The following MYPN variants were observed in gnomAD, a reference collection of about 807,000 sequenced individuals.
The protein encoded by MYPN is myopalladin, also known as sarcomeric protein myopalladin, 145 kDa (MYOP).
MYPN carries 63 observed loss-of-function variants against 129.4 expected under a neutral mutation model. The ratio of observed to expected loss-of-function variants is 0.49; its 90% CI spans 0.40 to 0.60. The LOEUF (loss-of-function observed/expected upper bound fraction) is 0.60, where lower values mean the gene tolerates loss of function less well. Ranked by LOEUF, MYPN falls within the 20% of genes least tolerant of loss-of-function variation. MYPN has a pLI of 0.00. For synonymous variants in MYPN, 629 were observed against 600.9 expected, an observed-to-expected ratio of 1.05 and a Z score of -0.68; for missense variants, 1,596 against 1,635.4, an observed-to-expected ratio of 0.98 and a Z score of 0.42.
In MYPN at chr10:68,166,630, T is replaced by G. The variant is rs2043060021; in HGVS notation, c.1937T>G (p.Val646Gly). ...AAAACCCCAGAGCCTTCTTCCCCCG[T>G]GAAAGAGCCCCCTCCAGTTCTGGCC... is the stretch of plus-strand genomic sequence containing the variant. ...ATKTPEPSSPVKEPPPVLAKP... is the reference protein window; with the variant it reads ...ATKTPEPSSPGKEPPPVLAKP... Residue 646 changes from valine to glycine, a missense_variant, in exon 10 of 20, where the codon GTG becomes GGG. By Grantham distance (109) the Val-to-Gly change is moderately radical. Coordinates refer to ENST00000358913, the MANE Select transcript of MYPN (RefSeq NM_032578.4). 6.2e-7 allele frequency: 1 copy of G among 1,613,990 alleles called. No homozygotes were observed. Among genetic ancestry groups the G allele is most frequent in the South Asian group, 1.1e-5 (1 of 91,066 alleles).
chr10:68,095,076 A>G (rs1222403083), intron 1 of MYPN, among the ~76,000 whole-genome samples: 1 of 152,140 alleles, frequency 6.6e-6, no homozygotes, highest in Admixed American at 6.6e-5. Context: ...TGAAGAAGAT[A>G]TAAGGCACGA....
Position 68,165,739 on chromosome 10 carries a change from A to G in MYPN, c.1521A>G (p.Ala507=), listed in dbSNP as rs2134165606. Residue 507 remains alanine, a synonymous_variant, in exon 9 of 20, where the codon GCA becomes GCG. Transcript: ENST00000358913. ...CCTTGGTCATTGCTGAGGTGTTTGC[A>G]GAAGATTCTGGGTGCTTCACATGTA... The part of the protein sequence containing the change: ...ICTLVIAEVF[A]EDSGCFTCTA... 1 of 1,614,206 alleles carries G rather than the reference A, an allele frequency of 6.2e-7. No homozygotes were observed. Among genetic ancestry groups the G allele is most frequent in the Non-Finnish European group, 8.5e-7 (1 of 1,180,018 alleles).
chr10:68,109,477 T>C (rs1274821901), upstream of MYPN: 1 of 454,064 alleles, frequency 2.2e-6, no homozygotes, highest in Non-Finnish European at 4.4e-6. Context: ...TCAAAATAAC[T>C]TGGGACCTGT....
chr10:68,110,594 ATTACTT>A (rs1165423771), intron 1 of MYPN, among the ~76,000 whole-genome samples: 1 of 152,220 alleles, frequency 6.6e-6, no homozygotes, highest in East Asian at 1.9e-4. Context: ...GTATGATTCA[ATTACTT>A]TTACTTTAGT....
chr10:68,179,861 C>T (rs1461959377), intron 12 of MYPN, among the ~76,000 whole-genome samples: 1 of 152,076 alleles, frequency 6.6e-6, no homozygotes, highest in East Asian at 1.9e-4. Flanking sequence ...GAGGAGGTTT[C>T]GCCAAGATGA....
At chr10:68,128,932 A>G (rs2042367016) in intron 2 of MYPN, among the ~76,000 whole-genome samples, 1 of 152,076 alleles carries the variant, frequency 6.6e-6, no homozygotes, top group South Asian at 2.1e-4. Flanking sequence ...AATCTTAAAG[A>G]GTGAGGGGGA....
At chr10:68,127,358 G>A (rs185500947) in intron 2 of MYPN, among the ~76,000 whole-genome samples, 25 of 106,946 alleles carry the variant, frequency 2.3e-4, no homozygotes, top group African/African-American at 5.0e-4. Flanking sequence ...ATGAAGTCTC[G>A]CTCTGTCACC....
chr10:68,189,370 A>T (rs1459845320), intron 13 of MYPN, among the ~76,000 whole-genome samples: 2 of 152,218 alleles, frequency 1.3e-5, no homozygotes, highest in Non-Finnish European at 2.9e-5. Flanking sequence ...TATTGGGAAC[A>T]TTACAGTTTT....
intron 18 of MYPN, among the ~76,000 whole-genome samples, chr10:68,202,818 T>G (rs1287610207): frequency 2.0e-5 from 3 of 151,498 alleles, no homozygotes; most frequent in Non-Finnish European, 4.4e-5. Context: ...GCTGTTGGGT[T>G]TTAAAGAATT....
intron 1 of MYPN, among the ~76,000 whole-genome samples, chr10:68,113,870 C>A (rs968264183): frequency 6.6e-6 from 1 of 152,128 alleles, no homozygotes; most frequent in Non-Finnish European, 1.5e-5. Context: ...TCCATAGCCT[C>A]ACATACTTAC....
chr10:68,184,280 T>C (rs924506515), intron 12 of MYPN, among the ~76,000 whole-genome samples: 2 of 152,242 alleles, frequency 1.3e-5, no homozygotes, highest in African/African-American at 4.8e-5. Context: ...GATATCCACC[T>C]TGATATGCCC....
At position 68,168,991 on chromosome 10, in the gene MYPN, TAAAAAA is replaced by T. The variant is rs71009012; in HGVS notation, c.1973+2349_1973+2354del. Among the ~76,000 whole-genome samples the T allele has an allele frequency of 3.3e-3, 265 of 80,308 alleles. 6 individuals are homozygous for T. Among genetic ancestry groups the T allele is most frequent in the African/African-American group, 0.015 (243 of 16,062 alleles). The allele number at this position is 80,308 out of a possible 152,430, so 52.7% of individuals were successfully genotyped here. A position where few individuals can be genotyped will look rare whatever the true frequency, so the allele number is the denominator to read the frequency against. ...TGGGCGACAGAATGAGATTATTTCT[TAAAAAA>T]AAAAAAAAAAAAAAAAAAAAAAAGA... On this transcript the variant is annotated intron_variant, in intron 10 of 19. Coordinates refer to ENST00000358913, the MANE Select transcript of MYPN (RefSeq NM_032578.4).
intron 3 of MYPN, among the ~76,000 whole-genome samples, chr10:68,143,984 A>G (rs1309657226): frequency 2.0e-5 from 3 of 152,012 alleles, no homozygotes; most frequent in Non-Finnish European, 2.9e-5. Context: ...TGGACTCCTC[A>G]CCTCAAGTGA....
Position 68,174,251 on chromosome 10 carries a change from T to G in MYPN, c.2159T>G (p.Leu720Trp), listed in dbSNP as rs756716232. ...GCTCCTTCATCACAGACGTTCAGCT[T>G]GGCCCGGCCGAAGTATTTCTTCCCC... ...VKAPSSQTFS[L>W]ARPKYFFPST... The change falls in exon 11 of 20, where the codon TTG (leucine) becomes TGG (tryptophan). Residue 720 changes from leucine (L) to tryptophan (W), a missense_variant. Leu to Trp is a moderately conservative substitution (Grantham distance 61). Coordinates refer to ENST00000358913, the MANE Select transcript of MYPN (RefSeq NM_032578.4). 12 of 1,614,164 alleles carry G rather than the reference T, an allele frequency of 7.4e-6. No individual in the cohort carries two copies. Among genetic ancestry groups the G allele is most frequent in the Middle Eastern group, 3.3e-4 (2 of 6,062 alleles).
At chr10:68,102,240 T>C (rs760442312), upstream of MYPN, among the ~76,000 whole-genome samples, 38 of 148,168 alleles carry the variant, frequency 2.6e-4, no homozygotes, top group Admixed American at 6.1e-4. Context: ...TCCTCCTGCC[T>C]CAGCCTCCCA....
chr10:68,122,247 G>T lies in MYPN; in HGVS notation c.809G>T (p.Arg270Leu), dbSNP rs1187626834. Residue 270 changes from arginine to leucine, a missense_variant, in exon 2 of 20, where the codon CGG becomes CTG. By Grantham distance (102) the Arg-to-Leu change is moderately radical. Transcript: ENST00000358913. ...GAAGAACCTCTGGGGCAACCTCCCC[G>T]GTTCACTCAAAAGTTACGGAGCAGA... is the stretch of plus-strand genomic sequence containing the variant. Reference protein sequence around the residue: ...YYEEPLGQPPRFTQKLRSREV... With the variant: ...YYEEPLGQPPLFTQKLRSREV... 2.6e-5 allele frequency: 42 copies of T among 1,613,336 alleles called. No individual in the cohort carries two copies. The highest frequency in any genetic ancestry group is 3.2e-5 in the Non-Finnish European group (38 of 1,179,668).
chr10:68,202,039 G>C (rs770512398), intron 18 of MYPN, 45 bp downstream of exon 18: 1 of 1,604,270 alleles, frequency 6.2e-7, no homozygotes, highest in South Asian at 1.1e-5. Context: ...TCTCAGTGGG[G>C]CTTGTTGCGC....
chr10:68,111,788 G>T (rs2133965164), intron 1 of MYPN, among the ~76,000 whole-genome samples: 1 of 152,232 alleles, frequency 6.6e-6, no homozygotes, highest in Non-Finnish European at 1.5e-5. Context: ...CCTCCACTCG[G>T]AGTCACAGTG....
intron 3 of MYPN, 138 bp downstream of exon 3, chr10:68,143,253 A>C: frequency 2.7e-6 from 2 of 749,172 alleles, no homozygotes. Flanking sequence ...GTAGAACAAA[A>C]ATACTTAGGC....
Sources: gnomAD v4.1 joint callset for allele counts (sites outside exome capture counted in the v4.1 genomes callset) on GRCh38, gnomAD v4.1.1 for gene constraint, MANE v1.5 for transcripts, NCBI Gene and HGNC (gene_info 2026-07-23, HGNC 2026-07-21) for gene names.